The following GNAL variants were observed in gnomAD, a reference collection of about 807,000 sequenced individuals.
GNAL encodes the protein G protein subunit alpha L.
A neutral mutation model predicts 55.1 loss-of-function variants in GNAL; 18 were observed. The ratio of observed to expected loss-of-function variants is 0.33; its 90% CI spans 0.23 to 0.48. The LOEUF (loss-of-function observed/expected upper bound fraction) is 0.48, where lower values mean the gene tolerates loss of function less well. GNAL is among the 20% of genes least tolerant of loss of function. The pLI is 0.99. For synonymous variants in GNAL, 253 were observed against 237.0 expected, an observed-to-expected ratio of 1.07 and a Z score of -0.62; for missense variants, 412 against 614.1, an observed-to-expected ratio of 0.67 and a Z score of 3.48.
intron 1 of GNAL, among the ~76,000 whole-genome samples, chr18:11,744,635 G>A (rs1431550670): frequency 6.6e-6 from 1 of 152,266 alleles, no homozygotes; most frequent in African/African-American, 2.4e-5. Flanking sequence ...CCAGTTGTTT[G>A]CAACTCTCGG....
At chr18:11,781,878 T>C (rs1448416168) in intron 4 of GNAL, among the ~76,000 whole-genome samples, 1 of 152,308 alleles carries the variant, frequency 6.6e-6, no homozygotes, top group Non-Finnish European at 1.5e-5. Flanking sequence ...ATAGGTGTTA[T>C]AATTAGCAAT....
chr18:11,818,695 C>T (rs2035019424), intron 4 of GNAL, among the ~76,000 whole-genome samples: 1 of 152,212 alleles, frequency 6.6e-6, no homozygotes, highest in African/African-American at 2.4e-5. Flanking sequence ...GAGGCTTTCA[C>T]ACGTGCCGGG....
intron 11 of GNAL, 140 bp from the exon 12 acceptor site, chr18:11,880,849 T>C (rs1845275049): frequency 1.2e-6 from 1 of 811,970 alleles, no homozygotes; most frequent in South Asian, 1.7e-5. Flanking sequence ...ATTGAGACCA[T>C]TCCTGCCTCT....
chr18:11,730,081 C>T (rs1044282952), intron 1 of GNAL, among the ~76,000 whole-genome samples: 1 of 151,120 alleles, frequency 6.6e-6, no homozygotes, highest in Admixed American at 6.6e-5. Flanking sequence ...TCGCCCAGGC[C>T]GAACTGCAGT....
At chr18:11,786,436 C>CTTTTTTTTTTTTTTTT in intron 4 of GNAL, among the ~76,000 whole-genome samples, 1 of 60,616 alleles carries the variant, frequency 1.6e-5, no homozygotes, top group African/African-American at 7.0e-5. Context: ...CATACGTTTT[C>CTTTTTTTTTTTTTTTT]TTTTTTTTTT....
At chr18:11,708,032 C>T (rs1256644445) in intron 1 of GNAL, among the ~76,000 whole-genome samples, 1 of 152,182 alleles carries the variant, frequency 6.6e-6, no homozygotes, top group African/African-American at 2.4e-5. Flanking sequence ...CCAGACCACT[C>T]AAACTTTTTT....
Position 11,689,903 on chromosome 18 carries a change from C to A in GNAL, c.340C>A (p.Arg114Ser), listed in dbSNP as rs1450467112. 6 of 1,468,470 alleles carry A rather than the reference C, an allele frequency of 4.1e-6. No individual in the cohort carries two copies. Among genetic ancestry groups the A allele is most frequent in the Non-Finnish European group, 5.4e-6 (6 of 1,109,538 alleles). The allele number at this position is 1,468,470 out of a possible 1,614,324, so 91.0% of individuals were successfully genotyped here. The change falls in exon 1 of 12, where the codon CGC (arginine) becomes AGC (serine). Residue 114 changes from arginine to serine, a missense_variant. Arg to Ser is a moderately radical substitution (Grantham distance 110). Coordinates refer to ENST00000334049, the MANE Select transcript of GNAL (RefSeq NM_182978.4). The stretch of plus-strand genomic sequence containing the variant: ...CGACCGCATGCTGCGCGACCAGAAG[C>A]GCGACCTGCAGCAGACGCACCGGCT... The part of the protein sequence containing the change: ...GIDRMLRDQK[R>S]DLQQTHRLLL...
intron 1 of GNAL, among the ~76,000 whole-genome samples, chr18:11,730,658 G>A (rs1265643280): frequency 1.3e-5 from 2 of 152,018 alleles, no homozygotes; most frequent in Non-Finnish European, 2.9e-5. Flanking sequence ...CAGCTACTAA[G>A]GAGGCTGAAG....
intron 5 of GNAL, among the ~76,000 whole-genome samples, chr18:11,855,115 T>TTGTTG (rs1302399373): frequency 1.4e-5 from 2 of 145,864 alleles, no homozygotes; most frequent in African/African-American, 5.6e-5. Flanking sequence ...GTTGTTGTTG[T>TTGTTG]TTTAGTAGAG....
At chr18:11,845,769 AAGAGAG>A (rs58313183) in intron 5 of GNAL, among the ~76,000 whole-genome samples, 14,156 of 147,540 alleles carry the variant, frequency 0.096, 999 homozygotes, top group East Asian at 0.36. Flanking sequence ...AGGAAGAGAA[AAGAGAG>A]AGAGAGAGAG....
intron 5 of GNAL, among the ~76,000 whole-genome samples, chr18:11,841,710 A>C (rs1248134055): frequency 6.6e-6 from 1 of 151,882 alleles, no homozygotes; most frequent in Non-Finnish European, 1.5e-5. Context: ...CATCAGATTT[A>C]TGGAGGAAGC....
At chr18:11,841,777 G>A (rs527659065) in intron 5 of GNAL, among the ~76,000 whole-genome samples, 4 of 152,244 alleles carry the variant, frequency 2.6e-5, no homozygotes, top group Admixed American at 6.5e-5. Context: ...AGAAATTCTG[G>A]GGAAGATAAA....
At chr18:11,756,436 G>A (rs1009492786) in intron 4 of GNAL, among the ~76,000 whole-genome samples, 2 of 151,908 alleles carry the variant, frequency 1.3e-5, no homozygotes, top group Non-Finnish European at 2.9e-5. Flanking sequence ...ACTTTTGTGG[G>A]GGTTAGTTTT....
At chr18:11,758,466 A>G (rs9967080) in intron 4 of GNAL, among the ~76,000 whole-genome samples, 9,177 of 152,280 alleles carry the variant, frequency 0.06, 409 homozygotes, top group African/African-American at 0.12. Context: ...GGAGTTTCAT[A>G]CCAGGTCAAA....
intron 1 of GNAL, among the ~76,000 whole-genome samples, chr18:11,715,590 CAAA>C (rs936780453): frequency 6.6e-6 from 1 of 151,562 alleles, no homozygotes; most frequent in Non-Finnish European, 1.5e-5. Flanking sequence ...GTGGAGGAAA[CAAA>C]AGAGGGGACC....
At chr18:11,850,820 T>G (rs1387876754) in intron 5 of GNAL, among the ~76,000 whole-genome samples, 1 of 152,214 alleles carries the variant, frequency 6.6e-6, no homozygotes, top group Non-Finnish European at 1.5e-5. Flanking sequence ...TGCCACAGTT[T>G]TGAAGATTAT....
chr18:11,824,262 T>TGGGGG (rs113728715), intron 4 of GNAL, among the ~76,000 whole-genome samples: 2 of 145,184 alleles, frequency 1.4e-5, no homozygotes, highest in African/African-American at 5.4e-5. Context: ...ATGGCTGAGA[T>TGGGGG]GGGGGGGGGG....
At chr18:11,753,057 A>G (rs1169553763) in intron 2 of GNAL, 132 bp downstream of exon 2, 1 of 586,346 alleles carries the variant, frequency 1.7e-6, no homozygotes, top group African/African-American at 2.2e-5. Flanking sequence ...AAAAAATTAG[A>G]TATTTGCTGT....
At chr18:11,851,681 G>T (rs1050860397) in intron 5 of GNAL, 9 of 1,613,898 alleles carry the variant, frequency 5.6e-6, no homozygotes, top group Admixed American at 3.3e-5. Context: ...AATGCCATCC[G>T]CCAGAAGAAC....
Sources: gnomAD v4.1 joint callset for allele counts (sites outside exome capture counted in the v4.1 genomes callset) on GRCh38, gnomAD v4.1.1 for gene constraint, MANE v1.5 for transcripts, NCBI Gene and HGNC (gene_info 2026-07-23, HGNC 2026-07-21) for gene names.